PBRM1: variants seen among roughly 807,000 people sequenced by gnomAD.
PBRM1 encodes the protein protein polybromo-1.
In PBRM1, 27 loss-of-function variants were observed where a neutral mutation model predicts 194.5. That is an observed-to-expected ratio of 0.14 (90% CI 0.10 to 0.19). PBRM1 has a LOEUF of 0.19. Among genes scored for constraint, PBRM1 ranks in the 10% least tolerant of loss-of-function variants. The pLI is 1.00. For synonymous variants in PBRM1, 655 were observed against 693.2 expected (o/e 0.94, Z 0.87); for missense variants, 1,466 against 2,077.2 (o/e 0.71, Z 5.72).
chr3:52,658,769 T>A (rs988925629), intron 4 of PBRM1, among the ~76,000 whole-genome samples: 3 of 152,228 alleles, frequency 2.0e-5, no homozygotes, highest in Admixed American at 6.5e-5. Flanking sequence ...ATGCTGGACA[T>A]AGGCATTGTA....
intron 21 of PBRM1, among the ~76,000 whole-genome samples, chr3:52,577,206 G>A (rs891810387): frequency 5.9e-5 from 9 of 152,064 alleles, no homozygotes; most frequent in Non-Finnish European, 1.0e-4. Context: ...CAAGGTGGGC[G>A]AATCACGTGA....
intron 12 of PBRM1, among the ~76,000 whole-genome samples, chr3:52,628,033 A>C (rs1322137506): frequency 6.6e-6 from 1 of 152,158 alleles, no homozygotes; most frequent in Non-Finnish European, 1.5e-5. Context: ...CCCAATTTGT[A>C]TTTCATATCT....
chr3:52,662,392 C>T (rs2153933642), intron 3 of PBRM1, 116 bp from the exon 5 acceptor site: 3 of 793,806 alleles, frequency 3.8e-6, no homozygotes, highest in Admixed American at 2.8e-5. Context: ...TTTTAACATC[C>T]TCATGATTAA....
At chr3:52,672,666 G>C (rs904185376) in intron 2 of PBRM1, among the ~76,000 whole-genome samples, 1 of 151,002 alleles carries the variant, frequency 6.6e-6, no homozygotes, top group Non-Finnish European at 1.5e-5. Flanking sequence ...GGCTAATTTT[G>C]TATTTTTAGT....
chr3:52,641,459 A>AAG (rs2096078274), intron 10 of PBRM1, among the ~76,000 whole-genome samples: 1 of 148,382 alleles, frequency 6.7e-6, no homozygotes, highest in Non-Finnish European at 1.5e-5. Context: ...AAAAAAAAAA[A>AAG]AAAAGAAAAA....
At chr3:52,658,133 A>G in intron 5 of PBRM1, 66 bp downstream of exon 6, 4 of 795,808 alleles carry the variant, frequency 5.0e-6, no homozygotes, top group Non-Finnish European at 9.0e-6. Context: ...ATCAGTAATT[A>G]ATACAATTCT....
chr3:52,596,060 T>C (rs142729906), intron 17 of PBRM1, among the ~76,000 whole-genome samples: 3 of 152,312 alleles, frequency 2.0e-5, no homozygotes, highest in Non-Finnish European at 4.4e-5. Flanking sequence ...ATAATATAAA[T>C]TGAAGTCGGG....
chr3:52,622,916 GCTA>G (rs1488515103), intron 13 of PBRM1, among the ~76,000 whole-genome samples: 1 of 152,072 alleles, frequency 6.6e-6, no homozygotes, highest in Non-Finnish European at 1.5e-5. Context: ...GTAAACTATA[GCTA>G]CTAATACTTC....
chr3:52,602,306 C>T (rs1466716154), intron 17 of PBRM1, among the ~76,000 whole-genome samples: 1 of 152,162 alleles, frequency 6.6e-6, no homozygotes, highest in Admixed American at 6.5e-5. Context: ...GGGGTTGCTC[C>T]TCTCTTTCTA....
At chr3:52,660,166 A>T (rs1338558735) in intron 4 of PBRM1, among the ~76,000 whole-genome samples, 1 of 152,218 alleles carries the variant, frequency 6.6e-6, no homozygotes, top group Non-Finnish European at 1.5e-5. Context: ...CTCATCAATT[A>T]TGCGTTACAG....
chr3:52,675,357 T>G, intron 2 of PBRM1, among the ~76,000 whole-genome samples: 1 of 152,202 alleles, frequency 6.6e-6, no homozygotes, highest in Admixed American at 6.5e-5. Context: ...ACGTCCTAAC[T>G]TATTCTATGA....
At chr3:52,599,668 A>G (rs1430265957) in intron 17 of PBRM1, among the ~76,000 whole-genome samples, 1 of 151,282 alleles carries the variant, frequency 6.6e-6, no homozygotes, top group Non-Finnish European at 1.5e-5. Context: ...AAAAAAAAAA[A>G]AAGAAAAAAA....
chr3:52,600,557 T>C (rs984049167), intron 17 of PBRM1, among the ~76,000 whole-genome samples: 1 of 152,232 alleles, frequency 6.6e-6, no homozygotes, highest in Non-Finnish European at 1.5e-5. Flanking sequence ...TTCTCATTCA[T>C]ATCCTGAATT....
At chr3:52,571,323 CAAAA>C (rs34396226) in intron 22 of PBRM1, among the ~76,000 whole-genome samples, 2 of 88,378 alleles carry the variant, frequency 2.3e-5, no homozygotes, top group African/African-American at 4.9e-5. Flanking sequence ...ACACTGTCTC[CAAAA>C]AAAAAAAAAA....
At chr3:52,661,732 G>A (rs193263070) in intron 4 of PBRM1, among the ~76,000 whole-genome samples, 1 of 152,180 alleles carries the variant, frequency 6.6e-6, no homozygotes, top group African/African-American at 2.4e-5. Flanking sequence ...GAGGTTCTAG[G>A]AACAGTAACT....
At chr3:52,551,190 G>A (rs1218528014) in intron 27 of PBRM1, among the ~76,000 whole-genome samples, 2 of 152,192 alleles carry the variant, frequency 1.3e-5, no homozygotes, top group Admixed American at 1.3e-4. Context: ...AATTTAAGCA[G>A]GAATGGCACT....
At chr3:52,660,474 A>AT (rs1232768932) in intron 4 of PBRM1, among the ~76,000 whole-genome samples, 1 of 152,008 alleles carries the variant, frequency 6.6e-6, no homozygotes, top group African/African-American at 2.4e-5. Flanking sequence ...AACTACATGT[A>AT]TATGTGTGTA....
chr3:52,648,382 C>A, exon 7 of PBRM1: 1 of 1,610,120 alleles, frequency 6.2e-7, no homozygotes. Flanking sequence ...TAAGTTTTGG[C>A]ATTTTTTGCG....
chr3:52,606,452 A>T (rs765857023), intron 16 of PBRM1, among the ~76,000 whole-genome samples: 4 of 152,214 alleles, frequency 2.6e-5, no homozygotes, highest in Non-Finnish European at 5.9e-5. Context: ...AAATTTTTGT[A>T]AAATTTTTGT....
Sources: allele counts gnomAD v4.1 joint callset (sites outside exome capture counted in the v4.1 genomes callset), GRCh38; gene constraint gnomAD v4.1.1; transcripts MANE v1.5; gene names NCBI Gene and HGNC (gene_info 2026-07-23, HGNC 2026-07-21).